Variants in KLF12 observed in about 807,000 individuals in gnomAD.
KLF12 encodes Krueppel-like factor 12.
A neutral mutation model predicts 37.8 loss-of-function variants in KLF12; 9 were observed. The observed-to-expected ratio is 0.24, with a 90% CI of 0.14 to 0.42. KLF12 has a LOEUF of 0.42. KLF12 is among the 10% of genes least tolerant of loss of function. The pLI, the probability that KLF12 is intolerant of heterozygous loss-of-function variation, is 1.00. For missense variants in KLF12, 411 were observed against 516.0 expected (o/e 0.80, Z 1.97); for synonymous variants, 208 against 202.1 (o/e 1.03, Z -0.25).
At position 73,752,729 on chromosome 13, in the gene KLF12, T is replaced by C. The variant is rs111554481; in HGVS notation, c.869+12209A>G. Among the ~76,000 whole-genome samples the C allele has an allele frequency of 7.8e-4, 80 of 102,068 alleles. 1 individual carries two copies. Among genetic ancestry groups the C allele is most frequent in the African/African-American group, 2.8e-3 (76 of 27,256 alleles). 67.0% of individuals were successfully genotyped at this position (102,068 alleles called of 152,430 possible). A position where few individuals can be genotyped will look rare whatever the true frequency, so the allele number is the denominator to read the frequency against. ...ATTCCCCTGCTCCCTTCCACATATA[T>C]ATTTTTTTTTTTTTGACACAGAGTC... On this transcript the variant is annotated intron_variant, in intron 6 of 7. Coordinates refer to ENST00000377669, the MANE Select transcript of KLF12 (RefSeq NM_007249.5).
At chr13:74,265,323 A>G in the KLF12 span, among the ~76,000 whole-genome samples, 1 of 152,162 alleles carries the variant, frequency 6.6e-6, no homozygotes, top group Non-Finnish European at 1.5e-5. Context: ...TTTCCCTAAT[A>G]GAGACACATA....
intron 6 of KLF12, among the ~76,000 whole-genome samples, chr13:73,723,472 G>A (rs1440600455): frequency 6.6e-6 from 1 of 151,790 alleles, no homozygotes; most frequent in Non-Finnish European, 1.5e-5. Flanking sequence ...TATGCCAGAA[G>A]TGATAGCTTG....
chr13:74,264,249 G>A, the KLF12 span, among the ~76,000 whole-genome samples: 1 of 152,132 alleles, frequency 6.6e-6, no homozygotes, highest in Non-Finnish European at 1.5e-5. Flanking sequence ...AAACTAAGTG[G>A]CTTGGATAAA....
At chr13:73,748,375 T>C (rs147073009) in intron 6 of KLF12, among the ~76,000 whole-genome samples, 1,610 of 152,300 alleles carry the variant, frequency 0.011, 19 homozygotes, top group South Asian at 0.023. Context: ...AATTCACACG[T>C]TGAAGCCATA....
At chr13:74,199,439 A>T in the KLF12 span, among the ~76,000 whole-genome samples, 1 of 152,328 alleles carries the variant, frequency 6.6e-6, no homozygotes. Flanking sequence ...TAGTGCATGA[A>T]TTATTAGCCC....
intron 5 of KLF12, among the ~76,000 whole-genome samples, chr13:73,784,660 T>TCG (rs1881202325): frequency 6.8e-6 from 1 of 147,732 alleles, no homozygotes; most frequent in African/African-American, 2.5e-5. Flanking sequence ...AGAAGGAGTC[T>TCG]CGCTCTGTTG....
intron 2 of KLF12, among the ~76,000 whole-genome samples, chr13:73,954,477 G>A (rs536067058): frequency 6.6e-6 from 1 of 152,148 alleles, no homozygotes; most frequent in Non-Finnish European, 1.5e-5. Flanking sequence ...CTTCATCCAA[G>A]AAAGGTTATC....
intron 2 of KLF12, among the ~76,000 whole-genome samples, chr13:73,987,326 A>C (rs142445614): frequency 1.7e-3 from 252 of 152,292 alleles, no homozygotes; most frequent in African/African-American, 5.5e-3. Flanking sequence ...ACATAAAACT[A>C]TATAGATATT....
In KLF12 at chr13:73,831,028, A is replaced by ACACACACACG. The variant is rs34914331; in HGVS notation, c.670+14798_670+14799insCGTGTGTGTG. On this transcript the variant is annotated intron_variant, in intron 4 of 7. Coordinates refer to ENST00000377669, the MANE Select transcript of KLF12 (RefSeq NM_007249.5). ...CACACACACACACACACACACACGCATACTTATTTTACATACAGAATAGAT... is the reference window on the plus strand; with the variant it reads ...CACACACACACACACACACACACGCACACACACACGTACTTATTTTACATACAGAATAGAT... Among the ~76,000 whole-genome samples the ACACACACACG allele has an allele frequency of 5.3e-3, 779 of 148,186 alleles. 1 individual carries two copies. Among genetic ancestry groups the ACACACACACG allele is most frequent in the African/African-American group, 0.019 (742 of 39,774 alleles).
the KLF12 span, among the ~76,000 whole-genome samples, chr13:74,206,184 A>G: frequency 6.6e-6 from 1 of 152,098 alleles, no homozygotes; most frequent in Non-Finnish European, 1.5e-5. Flanking sequence ...TTACCCATTC[A>G]TTATAGGGCC....
At chr13:74,243,198 A>G in the KLF12 span, among the ~76,000 whole-genome samples, 1 of 152,014 alleles carries the variant, frequency 6.6e-6, no homozygotes, top group East Asian at 1.9e-4. Flanking sequence ...GAGTGAGAAC[A>G]TGCGGTGTTT....
intron 6 of KLF12, among the ~76,000 whole-genome samples, chr13:73,738,273 T>C (rs1417557333): frequency 1.3e-5 from 2 of 150,144 alleles, no homozygotes; most frequent in Admixed American, 6.7e-5. Context: ...GCCTCCCAAG[T>C]AGCTGGGATT....
the KLF12 span, among the ~76,000 whole-genome samples, chr13:74,154,233 C>CAAA: frequency 1.1e-4 from 17 of 148,640 alleles, no homozygotes; most frequent in East Asian, 3.2e-3. Flanking sequence ...GACTCCATCT[C>CAAA]AAAAAAAAAA....
chr13:73,812,417 TATTA>T (rs1882988215), intron 5 of KLF12, among the ~76,000 whole-genome samples: 1 of 127,428 alleles, frequency 7.8e-6, no homozygotes, highest in Non-Finnish European at 1.8e-5. Flanking sequence ...GTGAGGAATG[TATTA>T]ATTAACTTAA....
chr13:73,893,818 T>C (rs1887626797), intron 3 of KLF12, among the ~76,000 whole-genome samples: 1 of 152,100 alleles, frequency 6.6e-6, no homozygotes, highest in African/African-American at 2.4e-5. Context: ...GTAGAGGAAA[T>C]TTAATGCAGA....
intron 1 of KLF12, among the ~76,000 whole-genome samples, chr13:74,076,816 AC>A (rs1409612411): frequency 1.3e-5 from 2 of 151,320 alleles, no homozygotes; most frequent in Admixed American, 1.3e-4. Context: ...CCTCAAGTCG[AC>A]CCCAGTGTCT....
At chr13:74,188,455 C>T in the KLF12 span, among the ~76,000 whole-genome samples, 1 of 152,014 alleles carries the variant, frequency 6.6e-6, no homozygotes, top group Non-Finnish European at 1.5e-5. Context: ...GTTCTAAGTC[C>T]CTTATCTTTA....
intron 6 of KLF12, among the ~76,000 whole-genome samples, chr13:73,717,592 A>G (rs540971930): frequency 6.2e-4 from 95 of 152,378 alleles, no homozygotes; most frequent in Middle Eastern, 3.4e-3. Flanking sequence ...GGTCAAATAT[A>G]AACAACATTT....
At chr13:73,897,216 T>A (rs1160340437) in intron 3 of KLF12, among the ~76,000 whole-genome samples, 1 of 152,156 alleles carries the variant, frequency 6.6e-6, no homozygotes, top group Non-Finnish European at 1.5e-5. Flanking sequence ...AAAATCTGCC[T>A]CAAATGAAAA....
Sources: allele counts gnomAD v4.1 joint callset (sites outside exome capture counted in the v4.1 genomes callset), GRCh38; gene constraint gnomAD v4.1.1; transcripts MANE v1.5; gene names NCBI Gene and HGNC (gene_info 2026-07-23, HGNC 2026-07-21).